Variants in INTS6L observed in about 807,000 individuals in gnomAD.
INTS6L encodes integrator complex subunit 6 like.
Under a neutral mutation model 64.7 loss-of-function variants are expected in INTS6L, and 18 were observed. That is an observed-to-expected ratio of 0.28 (90% CI 0.19 to 0.41). The LOEUF (loss-of-function observed/expected upper bound fraction) is 0.41. Among genes scored for constraint, INTS6L ranks in the 10% least tolerant of loss-of-function variants. INTS6L has a pLI of 1.00. For missense variants in INTS6L, 533 were observed against 661.0 expected, an observed-to-expected ratio of 0.81 and a Z score of 2.12; for synonymous variants, 227 against 235.9, an observed-to-expected ratio of 0.96 and a Z score of 0.34.
At chrX:135,565,706 C>T (rs371747259) in intron 9 of INTS6L, among the ~76,000 whole-genome samples, 8 of 111,761 alleles carry the variant, frequency 7.2e-5, no homozygotes, top group African/African-American at 2.6e-4. Flanking sequence ...AAGCTGAACT[C>T]TTACCTTACC....
intron 6 of INTS6L, 69 bp downstream of exon 6, chrX:135,547,334 T>TATAGAC: frequency 9.2e-7 from 1 of 1,086,011 alleles, no homozygotes; most frequent in Non-Finnish European, 1.2e-6. Context: ...AATAAATTAC[T>TATAGAC]ATAGACACAG....
chrX:135,521,285 G>C lies in INTS6L; in HGVS notation c.156G>C (p.Leu52=), dbSNP rs1556496610. Residue 52 remains leucine, a synonymous_variant, in exon 2 of 18, where the codon CTG becomes CTC. Coordinates refer to ENST00000639893, the MANE Select transcript of INTS6L (RefSeq NM_001351601.3). ...CCAGCCGTGGAGACAGGTACATGCT[G>C]GTCACCTACGACGAACCCCCGTACT... is the stretch of plus-strand genomic sequence containing the variant. The part of the protein sequence containing the change: ...DPASRGDRYM[L]VTYDEPPYCI... The C allele has an allele frequency of 8.3e-7, 1 of 1,207,278 alleles. No individual in the cohort carries two copies. Among genetic ancestry groups the C allele is most frequent in the South Asian group, 1.8e-5 (1 of 56,083 alleles).
chrX:135,580,306 A>G, intron 16 of INTS6L, 144 bp downstream of exon 16: 1 of 683,071 alleles, frequency 1.5e-6, no homozygotes, highest in East Asian at 3.7e-5. Context: ...CTCTTGTTTT[A>G]ACTAAAAAGG....
At position 135,581,819 on chromosome X, in the gene INTS6L, T is replaced by A; in HGVS notation, c.*183T>A. 1 of 398,777 alleles carries A rather than the reference T, an allele frequency of 2.5e-6. No homozygotes were observed. The highest frequency in any genetic ancestry group is 5.1e-5 in the Admixed American group (1 of 19,504). 32.9% of individuals were successfully genotyped at this position (398,777 alleles called of 1,213,427 possible). ...AAAGCTGGGCTTTTGCCTTAATAAT[T>A]TTTTAAAGTATGAATTGTTTTGTTT... On this transcript the variant is annotated 3_prime_UTR_variant, in exon 18 of 18. Coordinates refer to ENST00000639893, the MANE Select transcript of INTS6L (RefSeq NM_001351601.3).
At chrX:135,552,663 C>T (rs956254650) in intron 8 of INTS6L, among the ~76,000 whole-genome samples, 3 of 112,281 alleles carry the variant, frequency 2.7e-5, no homozygotes, top group Non-Finnish European at 5.6e-5. Context: ...TTGGATGAGA[C>T]AAATGCATAG....
At chrX:135,563,478 T>C (rs1337948308) in intron 9 of INTS6L, among the ~76,000 whole-genome samples, 1 of 108,864 alleles carries the variant, frequency 9.2e-6, no homozygotes, top group African/African-American at 3.4e-5. Flanking sequence ...TTAAAGAACA[T>C]CCTTTAGCTG....
chrX:135,530,464 T>C (rs1556504123), intron 2 of INTS6L, among the ~76,000 whole-genome samples: 2 of 111,871 alleles, frequency 1.8e-5, no homozygotes, highest in Non-Finnish European at 1.9e-5. Context: ...TATTTATTAA[T>C]AATAGCCACT....
intron 9 of INTS6L, among the ~76,000 whole-genome samples, chrX:135,563,486 C>G (rs2148654194): frequency 9.2e-6 from 1 of 108,178 alleles, no homozygotes; most frequent in South Asian, 3.9e-4. Flanking sequence ...CATCCTTTAG[C>G]TGTTTTTTAA....
chrX:135,568,013 T>C (rs2086996967), intron 9 of INTS6L, among the ~76,000 whole-genome samples: 2 of 111,496 alleles, frequency 1.8e-5, no homozygotes, highest in Admixed American at 1.9e-4. Flanking sequence ...GTAAAGCATT[T>C]TTTTTAAAAA....
rs1424031300 is a variant in INTS6L at position 135,582,408 on chromosome X, C to A, written c.*772C>A. 8.9e-6 allele frequency: 1 copy of A among 111,962 alleles called. No individual in the cohort carries two copies. Among genetic ancestry groups the A allele is most frequent in the Non-Finnish European group, 1.9e-5 (1 of 53,183 alleles). The allele number at this position is 111,962 out of a possible 1,213,427, so 9.2% of individuals were successfully genotyped here. On this transcript the variant is annotated 3_prime_UTR_variant, in exon 18 of 18. Transcript: ENST00000639893. The stretch of plus-strand genomic sequence containing the variant: ...TGTTTATACAAAAGTTTATATGGAG[C>A]AGTATTGTTATGTTTGTATGAATTT...
rs374535701 is a variant in INTS6L at position 135,579,988 on chromosome X, G to A, written c.2320G>A (p.Ala774Thr). The change falls in exon 16 of 18, where the codon GCA (alanine) becomes ACA (threonine). Residue 774 changes from alanine (A) to threonine (T), a missense_variant. Physicochemically the swap from Ala to Thr is moderately conservative, Grantham distance 58. Coordinates refer to ENST00000639893, the MANE Select transcript of INTS6L (RefSeq NM_001351601.3). The stretch of plus-strand genomic sequence containing the variant: ...GCTGATTCAAAAACCTGGTAGTAAC[G>A]CATTTGTAGGAGGAGCCAAAAACTG... The part of the protein sequence containing the change: ...DGLIQKPGSN[A>T]FVGGAKNCSL... 7.0e-5 allele frequency: 85 copies of A among 1,210,116 alleles called. No homozygotes were observed. The highest frequency in any genetic ancestry group is 6.9e-4 in the South Asian group (39 of 56,782).
Position 135,582,474 on chromosome X carries a change from T to C in INTS6L, c.*838T>C, listed in dbSNP as rs2087393381. 8.9e-6 allele frequency: 1 copy of C among 112,764 alleles called. No individual in the cohort carries two copies. The highest frequency in any genetic ancestry group is 3.2e-5 in the African/African-American group (1 of 31,027). 9.3% of individuals were successfully genotyped at this position (112,764 alleles called of 1,213,427 possible). The stretch of plus-strand genomic sequence containing the variant: ...TACAAAGAGATTTTGATTTTGCATA[T>C]ATAAAATAAATCATTTTATTGATTT... On this transcript the variant is annotated 3_prime_UTR_variant, in exon 18 of 18. Coordinates refer to ENST00000639893, the MANE Select transcript of INTS6L (RefSeq NM_001351601.3).
chrX:135,547,285 T>A lies in INTS6L; in HGVS notation c.742+20T>A. The stretch of plus-strand genomic sequence containing the variant: ...GAGAAGGTATAGTAGATAACTTTTT[T>A]AACCCTAAAGTGTTATATAGGAGAA... On this transcript the variant is annotated intron_variant, in intron 6 of 17. Transcript: ENST00000639893. 8.4e-7 allele frequency: 1 copy of A among 1,193,826 alleles called. No individual in the cohort carries two copies. The highest frequency in any genetic ancestry group is 1.1e-6 in the Non-Finnish European group (1 of 888,237).
At position 135,577,318 on chromosome X, in the gene INTS6L, AC is replaced by A. The variant is rs1556531559; in HGVS notation, c.2012del (p.Pro671HisfsTer7). The A allele has an allele frequency of 1.7e-6, 2 of 1,211,161 alleles. No individual in the cohort carries two copies. Among genetic ancestry groups the A allele is most frequent in the Admixed American group, 4.4e-5 (2 of 45,964 alleles). On this transcript the variant is annotated frameshift_variant, in exon 15 of 18. Coordinates refer to ENST00000639893, the MANE Select transcript of INTS6L (RefSeq NM_001351601.3). LOFTEE classifies it high-confidence loss of function. The part of the protein sequence containing the change: ...RRSMSLLLRK[P>X]QTPPTVTNHV... The stretch of plus-strand genomic sequence containing the variant: ...GGAGTATGTCCCTGCTGTTGAGGAA[AC>A]CACAAACACCACCTACTGTAACTAA...
At chrX:135,523,657 G>A (rs2085654299) in intron 2 of INTS6L, among the ~76,000 whole-genome samples, 1 of 111,331 alleles carries the variant, frequency 9.0e-6, no homozygotes, top group Non-Finnish European at 1.9e-5. Flanking sequence ...ATTCCAGGTC[G>A]CCACATAGCC....
At chrX:135,569,291 A>C in intron 9 of INTS6L, 46 bp from the exon 10 acceptor site, 3 of 854,411 alleles carry the variant, frequency 3.5e-6, no homozygotes, top group Non-Finnish European at 4.8e-6. Flanking sequence ...ATTATATCTT[A>C]GAGCTCAGGA....
chrX:135,533,693 T>A (rs1189611265), intron 2 of INTS6L, among the ~76,000 whole-genome samples: 1 of 111,814 alleles, frequency 8.9e-6, no homozygotes, highest in Non-Finnish European at 1.9e-5. Context: ...ATGGCCATTC[T>A]GCTATCTCAT....
intron 9 of INTS6L, 25 bp from the exon 10 acceptor site, chrX:135,569,312 G>A: frequency 9.3e-7 from 1 of 1,071,037 alleles, no homozygotes; most frequent in South Asian, 2.2e-5. Flanking sequence ...CTAGAATGAT[G>A]TAATATTTTA....
chrX:135,555,135 C>T (rs1331679940), intron 8 of INTS6L, among the ~76,000 whole-genome samples: 5 of 110,429 alleles, frequency 4.5e-5, no homozygotes, highest in African/African-American at 1.6e-4. Flanking sequence ...GTGATCCGCC[C>T]GCCTCGGCCT....
Sources: allele counts gnomAD v4.1 joint callset (sites outside exome capture counted in the v4.1 genomes callset), GRCh38; gene constraint gnomAD v4.1.1; transcripts MANE v1.5; gene names NCBI Gene and HGNC (gene_info 2026-07-23, HGNC 2026-07-21).